SLC16A2: variants seen among roughly 807,000 people sequenced by gnomAD.
SLC16A2 encodes monocarboxylate transporter 8.
A neutral mutation model predicts 27.2 loss-of-function variants in SLC16A2; 3 were observed. That is an observed-to-expected ratio of 0.11 (90% CI 0.05 to 0.28). The LOEUF (loss-of-function observed/expected upper bound fraction) is 0.28, where lower values mean the gene tolerates loss of function less well. Among genes scored for constraint, SLC16A2 ranks in the 10% least tolerant of loss-of-function variants. The probability of loss-of-function intolerance (pLI) is 1.00; values close to 1 mark genes in which losing one functional copy is unlikely to be tolerated. For missense variants in SLC16A2, 295 were observed against 458.5 expected, an observed-to-expected ratio of 0.64 and a Z score of 3.26; for synonymous variants, 202 against 187.8, an observed-to-expected ratio of 1.08 and a Z score of -0.62.
chrX:74,427,665 T>A, intron 1 of SLC16A2, among the ~76,000 whole-genome samples: 1 of 111,956 alleles, frequency 8.9e-6, no homozygotes, highest in African/African-American at 3.2e-5. Context: ...AACTACTCTT[T>A]TCAGATTGTG....
chrX:74,518,770 C>A (rs768602090), intron 1 of SLC16A2, among the ~76,000 whole-genome samples: 3 of 111,117 alleles, frequency 2.7e-5, no homozygotes, highest in South Asian at 3.8e-4. Context: ...CTGTTCAATT[C>A]TTTTGCCCAT....
intron 1 of SLC16A2, among the ~76,000 whole-genome samples, chrX:74,489,425 A>C (rs1394747847): frequency 2.7e-5 from 3 of 112,121 alleles, no homozygotes; most frequent in Non-Finnish European, 5.6e-5. Flanking sequence ...GCATGAAAGC[A>C]CTTGATCAAT....
chrX:74,462,895 G>A (rs1929178683), intron 1 of SLC16A2, among the ~76,000 whole-genome samples: 1 of 111,986 alleles, frequency 8.9e-6, no homozygotes, highest in South Asian at 3.7e-4. Flanking sequence ...TCAACAAAGG[G>A]ATCTGGCCTG....
rs899910286 is a variant in SLC16A2, at chrX:74,464,265, C to T, written c.430+42198C>T. Reference sequence around the variant, plus strand: ...TTTATGTACAAGTTGTTTACAAGTACTTTTAAAATTTAACTAATGACTTCC... The same window carrying T: ...TTTATGTACAAGTTGTTTACAAGTATTTTTAAAATTTAACTAATGACTTCC... On this transcript the variant is annotated intron_variant, in intron 1 of 5. Coordinates refer to ENST00000587091, the MANE Select transcript of SLC16A2 (RefSeq NM_006517.5). 3.6e-5 allele frequency among the ~76,000 whole-genome samples: 4 copies of T among 112,385 alleles called. No homozygotes were observed. The Admixed American group carries it at 3.8e-4, about 11-fold the overall frequency.
chrX:74,455,646 C>A (rs913989408), intron 1 of SLC16A2, among the ~76,000 whole-genome samples: 1 of 109,967 alleles, frequency 9.1e-6, no homozygotes, highest in African/African-American at 3.3e-5. Context: ...ATTTTGCTTC[C>A]GGTATAGAGG....
chrX:74,459,474 G>A (rs1436553369), intron 1 of SLC16A2, among the ~76,000 whole-genome samples: 1 of 107,884 alleles, frequency 9.3e-6, no homozygotes, highest in African/African-American at 3.4e-5. Context: ...CTGAAGGACA[G>A]AGTTTGAGTT....
chrX:74,435,526 C>T (rs868069452), intron 1 of SLC16A2, among the ~76,000 whole-genome samples: 12 of 68,553 alleles, frequency 1.8e-4, no homozygotes, highest in East Asian at 8.6e-4. Context: ...TATATATATG[C>T]ATATATATAT....
chrX:74,493,036 T>A (rs1399430635), intron 1 of SLC16A2, among the ~76,000 whole-genome samples: 3 of 111,872 alleles, frequency 2.7e-5, no homozygotes, highest in Non-Finnish European at 5.6e-5. Context: ...GAAAAGCTGA[T>A]CTCTGGGGCA....
rs751545124 is a variant in SLC16A2 at position 74,475,307 on chromosome X, G to T, written c.431-45683G>T. Among the ~76,000 whole-genome samples, 3 of 100,437 alleles carry T rather than the reference G, an allele frequency of 3.0e-5. No homozygotes were observed. The Admixed American group carries it at 3.4e-4, about 11-fold the overall frequency. 87.2% of individuals were successfully genotyped at this position (100,437 alleles called of 115,157 possible). ...TGAGAAGTGTCTGTTCATATCCTTCGCCCGCTTGTTGATGGAGTTGTTTGT... is the reference window on the plus strand; with the variant it reads ...TGAGAAGTGTCTGTTCATATCCTTCTCCCGCTTGTTGATGGAGTTGTTTGT... On this transcript the variant is annotated intron_variant, in intron 1 of 5. Coordinates refer to ENST00000587091, the MANE Select transcript of SLC16A2 (RefSeq NM_006517.5).
At chrX:74,454,584 C>T (rs1356881751) in intron 1 of SLC16A2, among the ~76,000 whole-genome samples, 14 of 61,444 alleles carry the variant, frequency 2.3e-4, no homozygotes, top group Non-Finnish European at 3.1e-4. Context: ...TTGTGGGGTG[C>T]GGGGAGGGGG....
chrX:74,424,730 C>T (rs1168359630), intron 1 of SLC16A2, among the ~76,000 whole-genome samples: 1 of 112,049 alleles, frequency 8.9e-6, no homozygotes, highest in Non-Finnish European at 1.9e-5. Context: ...GGAGGCACCT[C>T]GTAACCCAAT....
chrX:74,465,592 CTGTT>C (rs912427625), intron 1 of SLC16A2, among the ~76,000 whole-genome samples: 8 of 111,496 alleles, frequency 7.2e-5, no homozygotes, highest in African/African-American at 2.6e-4. Context: ...GGGTTGGAGA[CTGTT>C]TGTGCACCAG....
chrX:74,484,679 T>C (rs1213010797), intron 1 of SLC16A2, among the ~76,000 whole-genome samples: 1 of 111,773 alleles, frequency 8.9e-6, no homozygotes, highest in Non-Finnish European at 1.9e-5. Context: ...CCTTATAATT[T>C]TACTTTTGGT....
chrX:74,497,738 AC>A (rs1365359558), intron 1 of SLC16A2, among the ~76,000 whole-genome samples: 1 of 108,972 alleles, frequency 9.2e-6, no homozygotes, highest in Non-Finnish European at 1.9e-5. Flanking sequence ...CCTTCTTCAA[AC>A]CAGTGCCCGT....
At chrX:74,469,363 T>C (rs1012619328) in intron 1 of SLC16A2, among the ~76,000 whole-genome samples, 3 of 111,946 alleles carry the variant, frequency 2.7e-5, no homozygotes, top group African/African-American at 6.5e-5. Flanking sequence ...CTGGATCATA[T>C]GGTGGTAACT....
In SLC16A2 at chrX:74,532,862, G is replaced by A. The variant is rs1483680089; in HGVS notation, c.*1309G>A. Reference sequence around the variant, plus strand: ...TGAAAGGTAGACTCTGAACCACTTTGATCCCTCTGAAGTAGGTGACTGATG... The same window carrying A: ...TGAAAGGTAGACTCTGAACCACTTTAATCCCTCTGAAGTAGGTGACTGATG... On this transcript the variant is annotated 3_prime_UTR_variant, in exon 6 of 6. Coordinates refer to ENST00000587091, the MANE Select transcript of SLC16A2 (RefSeq NM_006517.5). 1.8e-5 allele frequency: 2 copies of A among 112,025 alleles called. No individual in the cohort carries two copies. Among genetic ancestry groups the A allele is most frequent in the African/African-American group, 6.5e-5 (2 of 30,679 alleles). The allele number at this position is 112,025 out of a possible 1,213,427, so 9.2% of individuals were successfully genotyped here. A position where few individuals can be genotyped will look rare whatever the true frequency, so the allele number is the denominator to read the frequency against.
At chrX:74,450,443 T>G (rs1374242598) in intron 1 of SLC16A2, among the ~76,000 whole-genome samples, 1 of 111,538 alleles carries the variant, frequency 9.0e-6, no homozygotes, top group East Asian at 2.8e-4. Flanking sequence ...CTCAGTGATC[T>G]TTTAGGGGTC....
intron 1 of SLC16A2, among the ~76,000 whole-genome samples, chrX:74,445,380 C>G (rs1049547493): frequency 4.5e-5 from 5 of 110,492 alleles, no homozygotes; most frequent in African/African-American, 6.6e-5. Context: ...CTGCCTCCTT[C>G]TCTATTCGGC....
At chrX:74,518,503 G>A (rs1930352648) in intron 1 of SLC16A2, among the ~76,000 whole-genome samples, 1 of 109,333 alleles carries the variant, frequency 9.1e-6, no homozygotes, top group African/African-American at 3.3e-5. Flanking sequence ...AGGCACAAGA[G>A]TTGCTTGAAC....
Sources: gnomAD v4.1 joint callset for allele counts (sites outside exome capture counted in the v4.1 genomes callset) on GRCh38, gnomAD v4.1.1 for gene constraint, MANE v1.5 for transcripts, NCBI Gene and HGNC (gene_info 2026-07-23, HGNC 2026-07-21) for gene names.